The following PRMT8 variants were observed in gnomAD, a reference collection of about 807,000 sequenced individuals.
PRMT8 encodes the protein protein arginine methyltransferase 8.
PRMT8 carries 7 observed loss-of-function variants against 47.1 expected under a neutral mutation model. The ratio of observed to expected loss-of-function variants is 0.15; its 90% CI spans 0.08 to 0.28. The LOEUF (loss-of-function observed/expected upper bound fraction) is 0.28. Ranked by LOEUF, PRMT8 falls within the 10% of genes least tolerant of loss-of-function variation. The probability of loss-of-function intolerance (pLI) is 1.00; values close to 1 mark genes in which losing one functional copy is unlikely to be tolerated. For synonymous variants in PRMT8, 188 were observed against 186.5 expected (o/e 1.01, Z -0.07); for missense variants, 237 against 505.4 (o/e 0.47, Z 5.09).
At chr12:3,461,596 G>A (rs1472167629) in intron 1 of PRMT8, among the ~76,000 whole-genome samples, 1 of 152,220 alleles carries the variant, frequency 6.6e-6, no homozygotes, top group Non-Finnish European at 1.5e-5. Flanking sequence ...CTCATTGGAT[G>A]GAACTGTGTC....
chr12:3,504,954 G>T (rs1865594723), intron 1 of PRMT8, among the ~76,000 whole-genome samples: 1 of 95,380 alleles, frequency 1.0e-5, no homozygotes, highest in Non-Finnish European at 2.1e-5. Context: ...GGGTGGGAGT[G>T]ACCCGATTTT....
intron 6 of PRMT8, among the ~76,000 whole-genome samples, chr12:3,571,224 A>G (rs987704056): frequency 7.9e-5 from 12 of 152,214 alleles, no homozygotes. Context: ...CTCAGAATCT[A>G]GGACAGATGT....
chr12:3,526,705 T>C (rs1211467877), intron 1 of PRMT8, among the ~76,000 whole-genome samples: 2 of 152,210 alleles, frequency 1.3e-5, no homozygotes, highest in Non-Finnish European at 2.9e-5. Context: ...GGAATTGTTA[T>C]GTCCTCTTGA....
chr12:3,461,636 C>T (rs1040086541), intron 1 of PRMT8, among the ~76,000 whole-genome samples: 3 of 152,214 alleles, frequency 2.0e-5, no homozygotes, highest in South Asian at 4.1e-4. Context: ...TTCTTCTGAG[C>T]GAGACTCCCT....
chr12:3,515,526 T>TA (rs542551252), intron 1 of PRMT8, among the ~76,000 whole-genome samples: 1 of 151,188 alleles, frequency 6.6e-6, no homozygotes, highest in Non-Finnish European at 1.5e-5. Context: ...AATAATAAAA[T>TA]AAAAAAAAAG....
chr12:3,558,529 G>A (rs1196344012), intron 4 of PRMT8, among the ~76,000 whole-genome samples: 1 of 152,190 alleles, frequency 6.6e-6, no homozygotes, highest in Non-Finnish European at 1.5e-5. Context: ...ATCATTTGTA[G>A]CAAAAGGATT....
intron 4 of PRMT8, among the ~76,000 whole-genome samples, chr12:3,554,735 C>T (rs1007793374): frequency 2.3e-4 from 35 of 152,150 alleles, no homozygotes; most frequent in African/African-American, 8.0e-4. Flanking sequence ...CCTGAGGGAG[C>T]CTGGGCAGGG....
chr12:3,568,306 C>T (rs1048387981), intron 4 of PRMT8, among the ~76,000 whole-genome samples: 1 of 151,024 alleles, frequency 6.6e-6, no homozygotes, highest in Non-Finnish European at 1.5e-5. Context: ...TCAGGGGTGG[C>T]TGGAAGAGGT....
In PRMT8 at chr12:3,535,257, G is replaced by A. The variant is rs966105336; in HGVS notation, c.76-5349G>A. On this transcript the variant is annotated intron_variant, in intron 1 of 9. Transcript: ENST00000382622. This position sits in a 1 kb window ranked among gnomAD's most constrained non-coding sequence, Gnocchi z 4.7. The stretch of plus-strand genomic sequence containing the variant: ...AACCTTTCATCTCTGCATTTAGTGG[G>A]CCCGAGGCCTGTTCACCCCAGTAGA... Among the ~76,000 whole-genome samples, 7 of 152,192 alleles carry A rather than the reference G, an allele frequency of 4.6e-5. No homozygotes were observed. Among genetic ancestry groups the A allele is most frequent in the Admixed American group, 4.6e-4 (7 of 15,282 alleles).
intron 1 of PRMT8, among the ~76,000 whole-genome samples, chr12:3,383,335 G>A (rs115598110): frequency 0.028 from 4,259 of 152,234 alleles, 87 homozygotes; most frequent in Middle Eastern, 0.051. Context: ...CTCTGTTGAG[G>A]CTTCTAAACC....
chr12:3,590,765 C>G (rs1867281169), intron 8 of PRMT8, among the ~76,000 whole-genome samples: 1 of 152,112 alleles, frequency 6.6e-6, no homozygotes, highest in South Asian at 2.1e-4. Flanking sequence ...GTACATTGAA[C>G]TCCAGTACGA....
At chr12:3,529,988 T>C (rs76315799) in intron 1 of PRMT8, among the ~76,000 whole-genome samples, 97 of 152,286 alleles carry the variant, frequency 6.4e-4, no homozygotes, top group African/African-American at 2.0e-3. Context: ...CCACTTGTAG[T>C]GTGTGGAATT....
intron 1 of PRMT8, among the ~76,000 whole-genome samples, chr12:3,388,744 AC>A (rs1454848325): frequency 6.6e-6 from 1 of 152,172 alleles, no homozygotes; most frequent in East Asian, 1.9e-4. Context: ...TCTACCTACT[AC>A]ACTGCACTAG....
chr12:3,576,784 A>T lies in PRMT8; in HGVS notation c.713-87A>T. ...GAACTCGAGCTGCCACTCAGCCCTC[A>T]GGCACGCTGTGCTCTAGGACTCAGG... On this transcript the variant is annotated intron_variant, in intron 6 of 9. Transcript: ENST00000382622. This position sits in a 1 kb window ranked among gnomAD's most constrained non-coding sequence, Gnocchi z 4.0. The T allele has an allele frequency of 1.0e-6, 1 of 1,004,372 alleles. No homozygotes were observed. Among genetic ancestry groups the T allele is most frequent in the Non-Finnish European group, 1.5e-6 (1 of 648,214 alleles). 62.2% of individuals were successfully genotyped at this position (1,004,372 alleles called of 1,614,324 possible).
At position 3,512,492 on chromosome 12, in the gene PRMT8, C is replaced by T. The variant is rs151122005; in HGVS notation, c.75+20792C>T. Among the ~76,000 whole-genome samples the T allele has an allele frequency of 2.8e-3, 423 of 152,282 alleles. 3 individuals carry two copies. Among genetic ancestry groups the T allele is most frequent in the Non-Finnish European group, 4.9e-3 (331 of 68,022 alleles). On this transcript the variant is annotated intron_variant, in intron 1 of 9. Coordinates refer to ENST00000382622, the MANE Select transcript of PRMT8 (RefSeq NM_019854.5). ...TCTGCTTCTCTCCTTGTCTGCCTGT[C>T]TCATGGAGGGCACTGCCATTCTCCC...
chr12:3,554,325 G>A (rs774173331), intron 4 of PRMT8, among the ~76,000 whole-genome samples: 3 of 152,190 alleles, frequency 2.0e-5, no homozygotes, highest in South Asian at 2.1e-4. Context: ...AAACAGACCC[G>A]CAAGGGTCCC....
chr12:3,410,085 T>C (rs568014239), intron 1 of PRMT8, among the ~76,000 whole-genome samples: 2 of 152,322 alleles, frequency 1.3e-5, no homozygotes, highest in African/African-American at 2.4e-5. Context: ...CTCTTTTTTT[T>C]CTGGAAGGTC....
rs1866693220 is a variant in PRMT8 at position 3,564,909 on chromosome 12, C to T, written c.482-3797C>T. 6.6e-6 allele frequency among the ~76,000 whole-genome samples: 1 copy of T among 152,200 alleles called. No individual in the cohort carries two copies. The highest frequency in any genetic ancestry group is 1.5e-5 in the Non-Finnish European group (1 of 68,048). On this transcript the variant is annotated intron_variant, in intron 4 of 9. Coordinates refer to ENST00000382622, the MANE Select transcript of PRMT8 (RefSeq NM_019854.5). The surrounding 1 kb of genome is among the most constrained non-coding windows in gnomAD (Gnocchi z 4.0). ...ATAGCCCCTAGTAAGTTGGCATATG[C>T]CCCACCATGACAGGTAGCATTTTGT...
chr12:3,461,208 C>G (rs534476377), intron 1 of PRMT8, among the ~76,000 whole-genome samples: 10 of 152,312 alleles, frequency 6.6e-5, no homozygotes, highest in African/African-American at 2.4e-4. Context: ...GATGCACAAC[C>G]TAATTCTAGC....
Sources: allele counts gnomAD v4.1 joint callset (sites outside exome capture counted in the v4.1 genomes callset), GRCh38; gene constraint gnomAD v4.1.1; non-coding constraint Gnocchi (gnomAD v3.1); transcripts MANE v1.5; gene names NCBI Gene and HGNC (gene_info 2026-07-23, HGNC 2026-07-21).